The following VILL variants were observed in gnomAD, a reference collection of about 807,000 sequenced individuals.
VILL encodes the protein villin like.
In VILL, 102 loss-of-function variants were observed where a neutral mutation model predicts 106.3. That is an observed-to-expected ratio of 0.96 (90% CI 0.82 to 1.13). The LOEUF (loss-of-function observed/expected upper bound fraction) is 1.13, where lower values mean the gene tolerates loss of function less well. Among genes scored for constraint, VILL ranks in the 50% most tolerant of loss-of-function variants. The pLI is 0.00. For synonymous variants in VILL, 431 were observed against 440.3 expected, an observed-to-expected ratio of 0.98 and a Z score of 0.27; for missense variants, 1,076 against 1,116.6, an observed-to-expected ratio of 0.96 and a Z score of 0.52.
intron 11 of VILL, among the ~76,000 whole-genome samples, chr3:38,000,270 T>C (rs1468663312): frequency 1.3e-5 from 2 of 151,722 alleles, no homozygotes; most frequent in African/African-American, 2.4e-5. Context: ...ACAGAAGTGA[T>C]GAGTGGGAAG....
Position 37,998,969 on chromosome 3 carries a change from G to A in VILL, c.1000G>A (p.Gly334Ser), listed in dbSNP as rs1221534166. Residue 334 changes from glycine (G) to serine (S), a missense_variant, in exon 10 of 20, where the codon GGC becomes AGC. Coordinates refer to ENST00000383759, the MANE Select transcript of VILL (RefSeq NM_015873.4). The surrounding 1 kb of genome is among the most constrained non-coding windows in gnomAD (Gnocchi z 4.1). ...TYTNVEVVND[G>S]AESAAFKQLF... is the part of the protein sequence containing the mutation. ...CACCAACGTGGAGGTGGTGAACGAC[G>A]GCGCCGAGTCGGCCGCGTTCAAGCA... 5.6e-6 allele frequency: 9 copies of A among 1,610,570 alleles called. No individual in the cohort carries two copies. Among genetic ancestry groups the A allele is most frequent in the Non-Finnish European group, 7.6e-6 (9 of 1,178,542 alleles).
chr3:37,998,073 G>T lies in VILL; in HGVS notation c.765-17G>T. ...GGAGGGGCTGGGCTGGCCACTCCTG[G>T]GTTCCTGTCCCCCCAGTGTCTATGA... is the stretch of plus-strand genomic sequence containing the variant. On this transcript the variant is annotated splice_polypyrimidine_tract_variant and intron_variant, in intron 7 of 19. Transcript: ENST00000383759. The surrounding 1 kb of genome is among the most constrained non-coding windows in gnomAD (Gnocchi z 4.1). 6.3e-7 allele frequency: 1 copy of T among 1,594,664 alleles called. No homozygotes were observed. The highest frequency in any genetic ancestry group is 8.5e-7 in the Non-Finnish European group (1 of 1,170,054).
In VILL at chr3:38,001,807, A is replaced by T; in HGVS notation, c.1426A>T (p.Ser476Cys). 6.2e-7 allele frequency: 1 copy of T among 1,614,246 alleles called. No homozygotes were observed. Among genetic ancestry groups the T allele is most frequent in the Non-Finnish European group, 8.5e-7 (1 of 1,180,036 alleles). ...AGTACAGGAGCATGTGACCATGGGC[A>T]GCGAGCCCCCCCACTTCCTCGCCAT... Reference protein sequence around the residue: ...VLVQEHVTMGSEPPHFLAIFQ... With the variant: ...VLVQEHVTMGCEPPHFLAIFQ... Residue 476 changes from serine to cysteine, a missense_variant, in exon 13 of 20, where the codon AGC (serine) becomes TGC (cysteine). Physicochemically the swap from Ser to Cys is moderately radical, Grantham distance 112. Transcript: ENST00000383759.
Position 37,998,223 on chromosome 3 carries a change from C to A in VILL, c.844-43C>A. On this transcript the variant is annotated intron_variant, in intron 8 of 19. Transcript: ENST00000383759. This position sits in a 1 kb window ranked among gnomAD's most constrained non-coding sequence, Gnocchi z 4.1. ...ATCCTTCCCCATCCACAACCCCAGC[C>A]CAGTCTGGACCACCTACTGACCAGC... The A allele has an allele frequency of 6.2e-7, 1 of 1,613,788 alleles. No homozygotes were observed. The highest frequency in any genetic ancestry group is 8.5e-7 in the Non-Finnish European group (1 of 1,179,720).
intron 1 of VILL, among the ~76,000 whole-genome samples, chr3:37,992,444 G>A (rs1039985841): frequency 6.6e-6 from 1 of 152,126 alleles, no homozygotes; most frequent in Middle Eastern, 3.2e-3. Flanking sequence ...TAGGGTGCAC[G>A]GACGGCTCCC....
Position 37,990,793 on chromosome 3 carries a change from ACAGG to A in VILL, c.-118_-115del, listed in dbSNP as rs1371468885. ...CCCCGTGCCAGGCCTAGCACTGCCC[ACAGG>A]CAGGGCGAAGGCGCGGGAGCAGTTT... On this transcript the variant is annotated 5_prime_UTR_variant, in exon 1 of 20. Coordinates refer to ENST00000383759, the MANE Select transcript of VILL (RefSeq NM_015873.4). The surrounding 1 kb of genome is among the most constrained non-coding windows in gnomAD (Gnocchi z 5.1). 6.6e-6 allele frequency: 1 copy of A among 152,468 alleles called. No individual in the cohort carries two copies. The highest frequency in any genetic ancestry group is 2.4e-5 in the African/African-American group (1 of 41,472). 9.4% of individuals were successfully genotyped at this position (152,468 alleles called of 1,614,324 possible). A position where few individuals can be genotyped will look rare whatever the true frequency, so the allele number is the denominator to read the frequency against.
At chr3:37,994,973 A>C (rs1699674993) in intron 4 of VILL, among the ~76,000 whole-genome samples, 1 of 152,260 alleles carries the variant, frequency 6.6e-6, no homozygotes, top group East Asian at 1.9e-4. Flanking sequence ...AATATACTAC[A>C]TTTTATTTAT....
chr3:37,993,368 T>TCGCC, intron 1 of VILL: 5 of 367,784 alleles, frequency 1.4e-5, no homozygotes, highest in Admixed American at 8.9e-5. Context: ...TGCAGTGAAG[T>TCGCC]GTGTTCGAAT....
chr3:37,997,437 A>G lies in VILL; in HGVS notation c.562-46A>G, dbSNP rs1268934503. On this transcript the variant is annotated intron_variant, in intron 6 of 19. Transcript: ENST00000383759. The surrounding 1 kb of genome is among the most constrained non-coding windows in gnomAD (Gnocchi z 4.7). ...AGTGACAGGAGAAGTCTCTGCTGTG[A>G]GAGGGCACACTGGTGACACCCTGAC... The G allele has an allele frequency of 6.3e-7, 1 of 1,595,878 alleles. No individual in the cohort carries two copies. Among genetic ancestry groups the G allele is most frequent in the Non-Finnish European group, 8.6e-7 (1 of 1,169,080 alleles).
Position 37,998,966 on chromosome 3 carries a change from G to C in VILL, c.997G>C (p.Asp333His), listed in dbSNP as rs1294326712. ...PTYTNVEVVN[D>H]GAESAAFKQL... is the part of the protein sequence containing the mutation. ...CTACACCAACGTGGAGGTGGTGAAC[G>C]ACGGCGCCGAGTCGGCCGCGTTCAA... is the stretch of plus-strand genomic sequence containing the variant. The change falls in exon 10 of 20, where the codon GAC (aspartate) becomes CAC (histidine). Residue 333 changes from aspartate to histidine, a missense_variant. By Grantham distance (81) the Asp-to-His change is moderately conservative (BLOSUM62 -1). Coordinates refer to ENST00000383759, the MANE Select transcript of VILL (RefSeq NM_015873.4). The surrounding 1 kb of genome is among the most constrained non-coding windows in gnomAD (Gnocchi z 4.1). The C allele has an allele frequency of 1.9e-6, 3 of 1,610,664 alleles. No homozygotes were observed. The highest frequency in any genetic ancestry group is 3.3e-5 in the Admixed American group (2 of 59,892).
chr3:38,000,365 CAG>C (rs1699790024), intron 11 of VILL, among the ~76,000 whole-genome samples: 1 of 149,260 alleles, frequency 6.7e-6, no homozygotes, highest in Non-Finnish European at 1.5e-5. Context: ...CAAAGAGAGA[CAG>C]AGAAGAAAAG....
chr3:37,996,502 G>T (rs1356603577), intron 5 of VILL, among the ~76,000 whole-genome samples: 2 of 152,172 alleles, frequency 1.3e-5, no homozygotes, highest in Non-Finnish European at 2.9e-5. Context: ...GAACATTCAG[G>T]TGTACAACGT....
At chr3:37,996,172 A>AG (rs1453135451) in intron 5 of VILL, among the ~76,000 whole-genome samples, 1 of 152,208 alleles carries the variant, frequency 6.6e-6, no homozygotes, top group African/African-American at 2.4e-5. Flanking sequence ...CTTGGGTGAC[A>AG]GAGAAAGACC....
In VILL at chr3:38,000,916, A is replaced by T. The variant is rs533516878; in HGVS notation, c.1183-540A>T. ...GAAGCTTAGAACAATGTCACTGCCA[A>T]CACAGGGCCTACCTGGGATTTGACC... On this transcript the variant is annotated intron_variant, in intron 11 of 19. Transcript: ENST00000383759. The T allele has an allele frequency of 4.4e-5, 20 of 456,894 alleles. No individual in the cohort carries two copies. The East Asian group carries it at 1.4e-3, about 32-fold the overall frequency. The allele number at this position is 456,894 out of a possible 1,614,324, so 28.3% of individuals were successfully genotyped here. A position where few individuals can be genotyped will look rare whatever the true frequency, so the allele number is the denominator to read the frequency against.
intron 4 of VILL, among the ~76,000 whole-genome samples, chr3:37,994,994 C>A (rs1292587913): frequency 6.6e-6 from 1 of 152,224 alleles, no homozygotes; most frequent in African/African-American, 2.4e-5. Flanking sequence ...CCATTCATCA[C>A]TTAATAGACA....
intron 1 of VILL, 95 bp from the exon 2 acceptor site, chr3:37,993,492 G>A (rs1241266946): frequency 8.1e-6 from 5 of 618,406 alleles, no homozygotes; most frequent in Middle Eastern, 5.2e-4. Flanking sequence ...AGCTGAGCCT[G>A]TCACTTGCTG....
intron 1 of VILL, among the ~76,000 whole-genome samples, chr3:37,992,856 AC>A (rs777620732): frequency 3.5e-4 from 54 of 152,276 alleles, no homozygotes; most frequent in Admixed American, 1.6e-3. Context: ...CCACTCTATG[AC>A]ACCTATTGTG....
Position 38,003,352 on chromosome 3 carries a change from G to C in VILL, c.1805+39G>C. 1.9e-6 allele frequency: 3 copies of C among 1,557,650 alleles called. No individual in the cohort carries two copies. In the East Asian group the frequency reaches 6.9e-5, roughly 36 times the overall value. On this transcript the variant is annotated intron_variant, in intron 15 of 19. Coordinates refer to ENST00000383759, the MANE Select transcript of VILL (RefSeq NM_015873.4). ...GAGGAGAGTGTTCTTACCCAGAGGA[G>C]GAATTGAGGCCCAGAGAGGAGGGTG...
Position 37,998,825 on chromosome 3 carries a change from G to C in VILL, c.943-87G>C, listed in dbSNP as rs1188476954. ...GGTTAATTAACGCTTCTTGGAGCTCGGCTGTCCCAGAGCGGTAGGTCCCCA... is the reference window on the plus strand; with the variant it reads ...GGTTAATTAACGCTTCTTGGAGCTCCGCTGTCCCAGAGCGGTAGGTCCCCA... On this transcript the variant is annotated intron_variant, in intron 9 of 19. Transcript: ENST00000383759. This position sits in a 1 kb window ranked among gnomAD's most constrained non-coding sequence, Gnocchi z 4.1. 89 of 1,499,608 alleles carry C rather than the reference G, an allele frequency of 5.9e-5. No individual in the cohort carries two copies. Among genetic ancestry groups the C allele is most frequent in the Non-Finnish European group, 2.7e-6 (3 of 1,120,896 alleles). 92.9% of individuals were successfully genotyped at this position (1,499,608 alleles called of 1,614,324 possible).
Sources: gnomAD v4.1 joint callset for allele counts (sites outside exome capture counted in the v4.1 genomes callset) on GRCh38, gnomAD v4.1.1 for gene constraint, Gnocchi (gnomAD v3.1) non-coding constraint, MANE v1.5 for transcripts, NCBI Gene and HGNC (gene_info 2026-07-23, HGNC 2026-07-21) for gene names.